Variants in ST8SIA5 observed in about 807,000 individuals in gnomAD.
The protein encoded by ST8SIA5 is ST8 alpha-N-acetyl-neuraminide alpha-2,8-sialyltransferase 5.
A neutral mutation model predicts 40.2 loss-of-function variants in ST8SIA5; 24 were observed. The ratio of observed to expected loss-of-function variants is 0.60; its 90% confidence interval spans 0.43 to 0.84. ST8SIA5 has a LOEUF of 0.84. ST8SIA5 is among the 40% of genes least tolerant of loss of function. The pLI, the probability that ST8SIA5 is intolerant of heterozygous loss-of-function variation, is 0.00. For synonymous variants in ST8SIA5, 198 were observed against 201.8 expected, an observed-to-expected ratio of 0.98 and a Z score of 0.16; for missense variants, 465 against 498.5, an observed-to-expected ratio of 0.93 and a Z score of 0.64.
chr18:46,710,108 C>T (rs1266160511), intron 1 of ST8SIA5, among the ~76,000 whole-genome samples: 3 of 152,154 alleles, frequency 2.0e-5, no homozygotes, highest in African/African-American at 4.8e-5. Context: ...ATAGTCCCAG[C>T]GGGTGATATC....
intron 1 of ST8SIA5, among the ~76,000 whole-genome samples, chr18:46,725,971 AAATATATATATATATATATATAT>A (rs1568271188): frequency 2.3e-5 from 1 of 42,724 alleles, no homozygotes; most frequent in Non-Finnish European, 3.8e-5. Flanking sequence ...AAAAAAAAAA[AAATATATATATATATATATATAT>A]ATATATATAT....
chr18:46,716,166 G>C (rs1357388553), intron 1 of ST8SIA5, among the ~76,000 whole-genome samples: 5 of 151,654 alleles, frequency 3.3e-5, no homozygotes, highest in Non-Finnish European at 7.4e-5. Flanking sequence ...CCACCACCTG[G>C]AAGTGACCTA....
chr18:46,692,093 G>A (rs2039511547), intron 3 of ST8SIA5, 76 bp downstream of exon 3: 1 of 1,499,932 alleles, frequency 6.7e-7, no homozygotes, highest in African/African-American at 1.4e-5. Context: ...GGGCCTTGCA[G>A]GACAATGGAG....
intron 1 of ST8SIA5, among the ~76,000 whole-genome samples, chr18:46,724,981 A>G (rs2039899651): frequency 7.7e-6 from 1 of 129,434 alleles, no homozygotes; most frequent in African/African-American, 2.7e-5. Flanking sequence ...GAAAGGAAGA[A>G]AGAGAGAGAG....
At chr18:46,701,072 G>A (rs530943589) in intron 2 of ST8SIA5, among the ~76,000 whole-genome samples, 22 of 145,884 alleles carry the variant, frequency 1.5e-4, no homozygotes, top group African/African-American at 4.8e-4. Flanking sequence ...CCTAAAATTC[G>A]TATGCTTAGG....
intron 2 of ST8SIA5, among the ~76,000 whole-genome samples, chr18:46,702,217 G>A (rs1219582141): frequency 6.6e-6 from 1 of 151,752 alleles, no homozygotes. Context: ...CAATCACAGT[G>A]CTCTGGATTT....
chr18:46,740,355 A>G (rs952005729), intron 1 of ST8SIA5, among the ~76,000 whole-genome samples: 1 of 152,222 alleles, frequency 6.6e-6, no homozygotes, highest in Non-Finnish European at 1.5e-5. Flanking sequence ...AAGGCAAGGT[A>G]TGTGAAACAC....
At position 46,692,849 on chromosome 18, in the gene ST8SIA5, A is replaced by G. The variant is rs151206137; in HGVS notation, c.225-594T>C. ...CACCCTCAACCACCTCCTCACTGAC[A>G]GGCCACCATCCCCTCCCCACCCCCC... On this transcript the variant is annotated intron_variant, in intron 2 of 6. Coordinates refer to ENST00000315087, the MANE Select transcript of ST8SIA5 (RefSeq NM_013305.6). 2.2e-3 allele frequency among the ~76,000 whole-genome samples: 329 copies of G among 149,724 alleles called. 3 individuals are homozygous for G. The highest frequency in any genetic ancestry group is 7.5e-3 in the African/African-American group (308 of 40,992).
intron 1 of ST8SIA5, among the ~76,000 whole-genome samples, chr18:46,710,355 C>T (rs868733605): frequency 1.7e-5 from 2 of 119,308 alleles, no homozygotes; most frequent in African/African-American, 6.2e-5. Context: ...TCCTTCTTTC[C>T]TTCTTTCTTT....
intron 1 of ST8SIA5, among the ~76,000 whole-genome samples, chr18:46,729,392 T>TTGAGGTTCCAGAACTATGGGATCC (rs11268051): frequency 0.58 from 87,967 of 151,914 alleles, 25,658 homozygotes; most frequent in Middle Eastern, 0.63. Context: ...GGTGGGTGCC[T>TTGAGGTTCCAGAACTATGGGATCC]TGAACTCCAC....
At position 46,676,889 on chromosome 18, in the gene ST8SIA5, G is replaced by C. The variant is rs1363541799; in HGVS notation, c.*3153C>G. The C allele has an allele frequency of 6.6e-5, 10 of 152,206 alleles. No homozygotes were observed. Among genetic ancestry groups the C allele is most frequent in the Admixed American group, 6.5e-4 (10 of 15,286 alleles). The allele number at this position is 152,206 out of a possible 1,614,324, so 9.4% of individuals were successfully genotyped here. A position where few individuals can be genotyped will look rare whatever the true frequency, so the allele number is the denominator to read the frequency against. On this transcript the variant is annotated 3_prime_UTR_variant, in exon 7 of 7. Transcript: ENST00000315087. ...AAAAAATGTTTTTCTTATAAACACT[G>C]GCTGCAGCAGAAAAACTATATCCTG...
Position 46,692,198 on chromosome 18 carries a change from C to CTGGA in ST8SIA5, c.281_282insTCCA (p.Met95ProfsTer6). The CTGGA allele has an allele frequency of 2.5e-6, 4 of 1,614,066 alleles. No homozygotes were observed. The highest frequency in any genetic ancestry group is 3.4e-6 in the Non-Finnish European group (4 of 1,180,024). Reference sequence around the variant, plus strand: ...ACTGGTTGGCCTCAGAGATGTTCATCGCCCATTTGCACATCTGGAGGCTCT... The same window carrying CTGGA: ...ACTGGTTGGCCTCAGAGATGTTCATCTGGAGCCCATTTGCACATCTGGAGGCTCT... On this transcript the variant is annotated frameshift_variant, in exon 3 of 7. Coordinates refer to ENST00000315087, the MANE Select transcript of ST8SIA5 (RefSeq NM_013305.6). LOFTEE classifies it high-confidence loss of function.
chr18:46,743,660 A>G (rs1473078562), intron 1 of ST8SIA5, among the ~76,000 whole-genome samples: 1 of 152,162 alleles, frequency 6.6e-6, no homozygotes, highest in Non-Finnish European at 1.5e-5. Flanking sequence ...TATCCAGGAG[A>G]ACTTCCCCAA....
At chr18:46,715,788 T>C (rs566701949) in intron 1 of ST8SIA5, among the ~76,000 whole-genome samples, 2 of 152,230 alleles carry the variant, frequency 1.3e-5, no homozygotes, top group East Asian at 3.9e-4. Flanking sequence ...GGTCTTGCTA[T>C]GTAGACCAAG....
chr18:46,743,282 T>A (rs751292200), intron 1 of ST8SIA5, among the ~76,000 whole-genome samples: 3 of 152,156 alleles, frequency 2.0e-5, no homozygotes, highest in Non-Finnish European at 4.4e-5. Flanking sequence ...AAGGAACATG[T>A]TCTAACCCAT....
At position 46,672,253 on chromosome 18, in the gene ST8SIA5, G is replaced by A. The variant is rs2039313169; in HGVS notation, c.*7789C>T. The A allele has an allele frequency of 2.6e-5, 4 of 152,198 alleles. No homozygotes were observed. In the South Asian group the frequency reaches 8.3e-4, roughly 32 times the overall value. The allele number at this position is 152,198 out of a possible 1,614,324, so 9.4% of individuals were successfully genotyped here. On this transcript the variant is annotated 3_prime_UTR_variant, in exon 7 of 7. Coordinates refer to ENST00000315087, the MANE Select transcript of ST8SIA5 (RefSeq NM_013305.6). Reference sequence around the variant, plus strand: ...ACCAAGGCATAGACTGCCTGCCTTAGGGTAATGACTCCCAACCATGTGAGA... The same window carrying A: ...ACCAAGGCATAGACTGCCTGCCTTAAGGTAATGACTCCCAACCATGTGAGA...
chr18:46,715,349 A>T (rs547920790), intron 1 of ST8SIA5, among the ~76,000 whole-genome samples: 2 of 152,296 alleles, frequency 1.3e-5, no homozygotes, highest in East Asian at 3.9e-4. Context: ...TTTGAAATGT[A>T]TAATTGCCAG....
intron 1 of ST8SIA5, among the ~76,000 whole-genome samples, chr18:46,715,798 G>A (rs2039782854): frequency 6.6e-6 from 1 of 152,010 alleles, no homozygotes; most frequent in South Asian, 2.1e-4. Context: ...TGTAGACCAA[G>A]CTGGTCTTGA....
At chr18:46,704,501 C>A (rs1022115042) in intron 2 of ST8SIA5, 71 bp downstream of exon 2, 35 of 1,375,156 alleles carry the variant, frequency 2.5e-5, no homozygotes, top group Non-Finnish European at 3.5e-5. Context: ...CCCTTGCCCC[C>A]ACGCACTCAC....
Sources: gnomAD v4.1 joint callset for allele counts (sites outside exome capture counted in the v4.1 genomes callset) on GRCh38, gnomAD v4.1.1 for gene constraint, MANE v1.5 for transcripts, NCBI Gene and HGNC (gene_info 2026-07-23, HGNC 2026-07-21) for gene names.